Variants in RBFOX2 observed in about 807,000 individuals in gnomAD.
RBFOX2 encodes the protein RNA binding protein fox-1 homolog 2.
In RBFOX2, 10 loss-of-function variants were observed where a neutral mutation model predicts 49.1. That is an observed-to-expected ratio of 0.20 (90% CI 0.13 to 0.35). The LOEUF (loss-of-function observed/expected upper bound fraction) is 0.35, where lower values mean the gene tolerates loss of function less well. Among genes scored for constraint, RBFOX2 ranks in the 10% least tolerant of loss-of-function variants. The probability of loss-of-function intolerance (pLI) is 1.00; values close to 1 mark genes in which losing one functional copy is unlikely to be tolerated. For synonymous variants in RBFOX2, 183 were observed against 187.4 expected, an observed-to-expected ratio of 0.98 and a Z score of 0.19; for missense variants, 323 against 486.9, an observed-to-expected ratio of 0.66 and a Z score of 3.17.
intron 1 of RBFOX2, among the ~76,000 whole-genome samples, chr22:35,975,051 C>T (rs552791255): frequency 2.6e-4 from 40 of 152,286 alleles, no homozygotes; most frequent in African/African-American, 8.4e-4. Context: ...ATCAGGGAAT[C>T]ATACTTTTGT....
chr22:35,888,562 G>T (rs1376649268), intron 1 of RBFOX2, among the ~76,000 whole-genome samples: 5 of 152,154 alleles, frequency 3.3e-5, no homozygotes, highest in Non-Finnish European at 5.9e-5. Flanking sequence ...AGTTCTGCAG[G>T]TTGTGCAAGA....
intron 8 of RBFOX2, 59 bp downstream of exon 9, chr22:35,761,139 ACAGT>A: frequency 7.0e-7 from 1 of 1,430,556 alleles, no homozygotes. Flanking sequence ...AAAAAAAAAA[ACAGT>A]ACATGATAGT....
chr22:35,786,293 C>T (rs866322011), intron 2 of RBFOX2, among the ~76,000 whole-genome samples: 1 of 152,172 alleles, frequency 6.6e-6, no homozygotes, highest in African/African-American at 2.4e-5. Context: ...GTAGTGAACA[C>T]CCGTCCCCCT....
chr22:35,977,178 A>C (rs899247911), intron 1 of RBFOX2, among the ~76,000 whole-genome samples: 2 of 152,146 alleles, frequency 1.3e-5, no homozygotes, highest in African/African-American at 4.8e-5. Flanking sequence ...TTTTAAAAAA[A>C]CAACGGACAA....
chr22:35,878,302 G>T (rs2045426798), intron 1 of RBFOX2, among the ~76,000 whole-genome samples: 1 of 152,106 alleles, frequency 6.6e-6, no homozygotes, highest in African/African-American at 2.4e-5. Context: ...GGAGGCTGAG[G>T]CTGGAGAATC....
At chr22:35,768,946 C>T (rs1482916090) in intron 4 of RBFOX2, among the ~76,000 whole-genome samples, 1 of 152,108 alleles carries the variant, frequency 6.6e-6, no homozygotes, top group African/African-American at 2.4e-5. Flanking sequence ...AGTCGGTGTA[C>T]AATTTTCTAT....
intron 1 of RBFOX2, among the ~76,000 whole-genome samples, chr22:35,982,638 G>A (rs1031479154): frequency 2.6e-5 from 4 of 152,146 alleles, no homozygotes; most frequent in African/African-American, 9.7e-5. Flanking sequence ...TTTGAGGTCT[G>A]AGGGTCCAGG....
intron 1 of RBFOX2, among the ~76,000 whole-genome samples, chr22:36,005,094 G>T (rs1419251645): frequency 1.3e-5 from 2 of 152,118 alleles, no homozygotes; most frequent in African/African-American, 4.8e-5. Flanking sequence ...AACGCATCCT[G>T]GCTTAATACT....
At chr22:35,756,643 G>T (rs530162478) in intron 9 of RBFOX2, among the ~76,000 whole-genome samples, 4 of 152,170 alleles carry the variant, frequency 2.6e-5, no homozygotes, top group Non-Finnish European at 2.9e-5. Flanking sequence ...TTTACATTAC[G>T]TTTAAGTATT....
At chr22:36,014,058 A>C (rs2146417637) in intron 1 of RBFOX2, among the ~76,000 whole-genome samples, 1 of 152,062 alleles carries the variant, frequency 6.6e-6, no homozygotes, top group South Asian at 2.1e-4. Context: ...TCTAATGTCC[A>C]AAGTTATTTA....
At chr22:35,953,297 A>G (rs2055166387) in intron 1 of RBFOX2, among the ~76,000 whole-genome samples, 1 of 152,134 alleles carries the variant, frequency 6.6e-6, no homozygotes, top group East Asian at 1.9e-4. Flanking sequence ...TGTGCTATAT[A>G]CACACAAAGG....
At chr22:36,003,018 A>C (rs1274639699) in intron 1 of RBFOX2, among the ~76,000 whole-genome samples, 1 of 152,174 alleles carries the variant, frequency 6.6e-6, no homozygotes, top group Non-Finnish European at 1.5e-5. Context: ...TCCTTTCTTC[A>C]AAAGACACTC....
intron 1 of RBFOX2, among the ~76,000 whole-genome samples, chr22:35,847,427 G>A (rs900959684): frequency 3.3e-5 from 5 of 152,102 alleles, no homozygotes; most frequent in African/African-American, 1.2e-4. Flanking sequence ...ACGTCCAACT[G>A]TATAATGCAT....
chr22:35,977,039 C>T (rs1164299799), intron 1 of RBFOX2, among the ~76,000 whole-genome samples: 1 of 151,142 alleles, frequency 6.6e-6, no homozygotes, highest in Non-Finnish European at 1.5e-5. Flanking sequence ...TTTAAACAGA[C>T]CCATCATCAA....
At chr22:36,021,651 G>A (rs988666587) in intron 1 of RBFOX2, among the ~76,000 whole-genome samples, 27 of 152,300 alleles carry the variant, frequency 1.8e-4, no homozygotes, top group African/African-American at 6.3e-4. Flanking sequence ...CTAAGACAAT[G>A]TTTGAAAAAA....
At chr22:35,831,561 T>C (rs1464254860) in intron 1 of RBFOX2, among the ~76,000 whole-genome samples, 1 of 152,230 alleles carries the variant, frequency 6.6e-6, no homozygotes, top group Non-Finnish European at 1.5e-5. Flanking sequence ...CAACCAACGA[T>C]TCATTTACTT....
intron 1 of RBFOX2, among the ~76,000 whole-genome samples, chr22:35,932,579 AT>A (rs1274468151): frequency 6.6e-6 from 1 of 152,228 alleles, no homozygotes; most frequent in Non-Finnish European, 1.5e-5. Context: ...ATTGACAAGC[AT>A]TTTAAACATC....
chr22:35,891,217 T>C (rs903700124), intron 1 of RBFOX2, among the ~76,000 whole-genome samples: 1 of 152,136 alleles, frequency 6.6e-6, no homozygotes, highest in Admixed American at 6.5e-5. Context: ...CACTGCAACC[T>C]CCACCTCCCG....
intron 3 of RBFOX2, among the ~76,000 whole-genome samples, chr22:35,779,141 T>C (rs538100718): frequency 1.2e-4 from 19 of 152,288 alleles, no homozygotes; most frequent in Admixed American, 1.3e-4. Flanking sequence ...GGTAGCTAAA[T>C]AGCTGACTAG....
Sources: gnomAD v4.1 joint callset for allele counts (sites outside exome capture counted in the v4.1 genomes callset) on GRCh38, gnomAD v4.1.1 for gene constraint, MANE v1.5 for transcripts, NCBI Gene and HGNC (gene_info 2026-07-23, HGNC 2026-07-21) for gene names.